RCOR1: variants seen among roughly 807,000 people sequenced by gnomAD.
RCOR1 encodes REST corepressor.
RCOR1 carries 12 observed loss-of-function variants against 64.0 expected under a neutral mutation model. The ratio of observed to expected loss-of-function variants is 0.19; its 90% CI spans 0.12 to 0.30. RCOR1 has a LOEUF of 0.30. Ranked by LOEUF, RCOR1 falls within the 10% of genes least tolerant of loss-of-function variation. RCOR1 has a pLI of 1.00. For synonymous variants in RCOR1, 279 were observed against 227.2 expected (o/e 1.23, Z -2.05); for missense variants, 502 against 621.2 (o/e 0.81, Z 2.04).
At chr14:102,694,865 T>C (rs945279005) in intron 3 of RCOR1, among the ~76,000 whole-genome samples, 7 of 152,262 alleles carry the variant, frequency 4.6e-5, no homozygotes, top group Admixed American at 4.6e-4. Flanking sequence ...AGAGAATTTT[T>C]GCATGTTCAG....
Position 102,721,322 on chromosome 14 carries a change from C to T in RCOR1, c.1134C>T (p.Val378=). 1.2e-6 allele frequency: 2 copies of T among 1,612,754 alleles called. No individual in the cohort carries two copies. The highest frequency in any genetic ancestry group is 1.1e-5 in the South Asian group (1 of 90,896). The change falls in exon 10 of 12, where the codon GTC becomes GTT. Residue 378 remains valine, a splice_region_variant and synonymous_variant. Transcript: ENST00000262241. The part of the protein sequence containing the change: ...GGIEPYRLPE[V]IQKCNARWTT... ...AAATGACTCATTTGGATATCCAGGT[C>T]ATTCAGAAATGTAATGCACGTTGGA...
At chr14:102,630,904 C>T (rs1389942409) in intron 2 of RCOR1, among the ~76,000 whole-genome samples, 1 of 152,040 alleles carries the variant, frequency 6.6e-6, no homozygotes, top group Non-Finnish European at 1.5e-5. Context: ...TCTGCTTGCT[C>T]CACTGTGATC....
At chr14:102,620,171 C>T (rs1223223517) in intron 2 of RCOR1, among the ~76,000 whole-genome samples, 1 of 152,090 alleles carries the variant, frequency 6.6e-6, no homozygotes, top group Non-Finnish European at 1.5e-5. Context: ...GGGAGGATTG[C>T]TTAAGGCCAG....
chr14:102,682,319 G>A (rs948881737), intron 3 of RCOR1, among the ~76,000 whole-genome samples: 4 of 152,050 alleles, frequency 2.6e-5, no homozygotes, highest in Non-Finnish European at 5.9e-5. Flanking sequence ...TAGTAGAGAT[G>A]GGGTTTTGCC....
intron 2 of RCOR1, among the ~76,000 whole-genome samples, chr14:102,598,214 C>G (rs1344130497): frequency 3.9e-5 from 6 of 152,166 alleles, no homozygotes; most frequent in Non-Finnish European, 7.4e-5. Flanking sequence ...CCTCGGCCTC[C>G]CAAAGTGTTG....
At chr14:102,640,444 C>T (rs1190134659) in intron 2 of RCOR1, among the ~76,000 whole-genome samples, 1 of 152,198 alleles carries the variant, frequency 6.6e-6, no homozygotes, top group African/African-American at 2.4e-5. Context: ...TGACAGGTAT[C>T]TTGGGTAGTT....
intron 2 of RCOR1, among the ~76,000 whole-genome samples, chr14:102,647,074 G>C (rs536957488): frequency 1.4e-4 from 22 of 152,264 alleles, no homozygotes; most frequent in Admixed American, 1.1e-3. Context: ...AAAATGTTCA[G>C]AAGTGAAAAT....
At chr14:102,634,718 A>G (rs1882857350) in intron 2 of RCOR1, among the ~76,000 whole-genome samples, 1 of 151,084 alleles carries the variant, frequency 6.6e-6, no homozygotes, top group African/African-American at 2.4e-5. Context: ...ATTTTTTGGG[A>G]CAGAGTCTTG....
In RCOR1 at chr14:102,712,951, T is replaced by TG. The variant is rs1475378114; in HGVS notation, c.859-1472_859-1471insG. On this transcript the variant is annotated intron_variant, in intron 7 of 11. Coordinates refer to ENST00000262241, the MANE Select transcript of RCOR1 (RefSeq NM_015156.4). ...AAAGAAAATGGCTAAATCATTGTTTTTTTTTTTTTTTTTTTTTTTTGGAGA... is the reference window on the plus strand; with the variant it reads ...AAAGAAAATGGCTAAATCATTGTTTTGTTTTTTTTTTTTTTTTTTTTGGAGA... Among the ~76,000 whole-genome samples the TG allele has an allele frequency of 1.3e-4, 12 of 91,336 alleles. No individual in the cohort carries two copies. The East Asian group carries it at 2.1e-3, about 16-fold the overall frequency. 59.9% of individuals were successfully genotyped at this position (91,336 alleles called of 152,430 possible). A position where few individuals can be genotyped will look rare whatever the true frequency, so the allele number is the denominator to read the frequency against.
rs145123740 is a variant in RCOR1 at position 102,714,917 on chromosome 14, C to G, written c.1053+300C>G. On this transcript the variant is annotated intron_variant, in intron 8 of 11. Transcript: ENST00000262241. ...CATGATTTCTCACAATATGAACATA[C>G]CCTAGTAACCTGCATCTGGATCAAA... Among the ~76,000 whole-genome samples the G allele has an allele frequency of 9.2e-5, 14 of 152,134 alleles. No individual in the cohort carries two copies. The East Asian group carries it at 9.6e-4, about 10-fold the overall frequency.
At chr14:102,632,679 CTTTTCCTTTTCCT>C (rs1567415225) in intron 2 of RCOR1, among the ~76,000 whole-genome samples, 14 of 84,882 alleles carry the variant, frequency 1.6e-4, no homozygotes, top group Admixed American at 6.4e-4. Context: ...CTTTCCTTTC[CTTTTCCTTTTCCT>C]TTTCCTTTCC....
chr14:102,681,782 A>G lies in RCOR1; in HGVS notation c.362-113A>G, dbSNP rs926401804. On this transcript the variant is annotated intron_variant, in intron 2 of 11. Transcript: ENST00000262241. ...CACTCTGATGTTAAGTGTGGGGCCC[A>G]TTGGGCCAGATACAGGTAAAAAGGT... The G allele has an allele frequency of 7.2e-5, 51 of 711,730 alleles. No homozygotes were observed. In the African/African-American group the frequency reaches 8.7e-4, roughly 12 times the overall value. The allele number at this position is 711,730 out of a possible 1,614,324, so 44.1% of individuals were successfully genotyped here.
intron 2 of RCOR1, among the ~76,000 whole-genome samples, chr14:102,620,036 A>T (rs780965259): frequency 6.6e-6 from 1 of 152,190 alleles, no homozygotes; most frequent in African/African-American, 2.4e-5. Context: ...CTTCCTTTAA[A>T]TCATCATGTA....
intron 2 of RCOR1, among the ~76,000 whole-genome samples, chr14:102,594,258 C>G (rs1893198116): frequency 6.6e-6 from 1 of 152,150 alleles, no homozygotes; most frequent in African/African-American, 2.4e-5. Context: ...AAATAAAATT[C>G]AAAAGAGCAT....
At chr14:102,709,935 A>C (rs938699657) in intron 6 of RCOR1, among the ~76,000 whole-genome samples, 53 of 152,026 alleles carry the variant, frequency 3.5e-4, no homozygotes, top group African/African-American at 1.2e-3. Context: ...ATTAGTCCCG[A>C]TGGGGCCAGG....
At chr14:102,643,955 C>CT (rs1894426051) in intron 2 of RCOR1, among the ~76,000 whole-genome samples, 1 of 152,196 alleles carries the variant, frequency 6.6e-6, no homozygotes, top group African/African-American at 2.4e-5. Flanking sequence ...TTATTACCGC[C>CT]TAACAACTGT....
chr14:102,679,089 C>T (rs996783538), intron 2 of RCOR1, among the ~76,000 whole-genome samples: 5 of 152,082 alleles, frequency 3.3e-5, no homozygotes, highest in Non-Finnish European at 5.9e-5. Flanking sequence ...CTCAACAGTG[C>T]CTTTTGCAGA....
chr14:102,729,332 T>C lies in RCOR1; in HGVS notation c.*2826T>C, dbSNP rs944946435. On this transcript the variant is annotated 3_prime_UTR_variant, in exon 12 of 12. Coordinates refer to ENST00000262241, the MANE Select transcript of RCOR1 (RefSeq NM_015156.4). ...AACACCTTGTTACTTGAATATTGTG[T>C]TGACTGGTCTGCAACAGTGATCCAT... is the stretch of plus-strand genomic sequence containing the variant. 6.5e-6 allele frequency: 1 copy of C among 152,778 alleles called. No homozygotes were observed. Among genetic ancestry groups the C allele is most frequent in the African/African-American group, 2.4e-5 (1 of 41,462 alleles). 9.5% of individuals were successfully genotyped at this position (152,778 alleles called of 1,614,324 possible). A position where few individuals can be genotyped will look rare whatever the true frequency, so the allele number is the denominator to read the frequency against.
intron 2 of RCOR1, among the ~76,000 whole-genome samples, chr14:102,666,221 C>T (rs1469100863): frequency 6.6e-6 from 1 of 152,090 alleles, no homozygotes; most frequent in Non-Finnish European, 1.5e-5. Flanking sequence ...GGGATAGAGT[C>T]CTGAGGGTGA....
Sources: gnomAD v4.1 joint callset for allele counts (sites outside exome capture counted in the v4.1 genomes callset) on GRCh38, gnomAD v4.1.1 for gene constraint, MANE v1.5 for transcripts, NCBI Gene and HGNC (gene_info 2026-07-23, HGNC 2026-07-21) for gene names.